The following LRRC57 variants were observed in gnomAD, a reference collection of about 807,000 sequenced individuals.
LRRC57 encodes the protein leucine rich repeat containing 57.
In LRRC57, 14 loss-of-function variants were observed where a neutral mutation model predicts 23.1. The ratio of observed to expected loss-of-function variants is 0.61; its 90% confidence interval spans 0.40 to 0.95. The LOEUF (loss-of-function observed/expected upper bound fraction) is 0.95, where lower values mean the gene tolerates loss of function less well. LRRC57 is among the 40% of genes least tolerant of loss of function. The pLI is 0.00. For synonymous variants in LRRC57, 106 were observed against 115.2 expected, an observed-to-expected ratio of 0.92 and a Z score of 0.51; for missense variants, 236 against 284.4, an observed-to-expected ratio of 0.83 and a Z score of 1.22.
chr15:42,547,380 G>A lies in LRRC57; in HGVS notation c.373C>T (p.Pro125Ser). The A allele has an allele frequency of 1.9e-6, 3 of 1,614,214 alleles. No homozygotes were observed. The highest frequency in any genetic ancestry group is 1.6e-4 in the Middle Eastern group (1 of 6,062). Residue 125 changes from proline (P) to serine (S), a missense_variant, in exon 4 of 6, where the codon CCC (proline) becomes TCC (serine). Transcript: ENST00000397130. ...AGGTGCCGTAGGCTACAAAGTTGGG[G>A]AGGTAATGCTCCCAGTTGGTTCCCA... Reference protein sequence around the residue: ...LSGNQLGALPPQLCSLRHLDV... With the variant: ...LSGNQLGALPSQLCSLRHLDV...
At chr15:42,533,252 T>C (rs1296976167), downstream of LRRC57, among the ~76,000 whole-genome samples, 1 of 152,236 alleles carries the variant, frequency 6.6e-6, no homozygotes, top group Admixed American at 6.5e-5. Context: ...CTTACCTTGC[T>C]AAAAATTTAT....
chr15:42,547,968 A>C (rs1252988960), intron 3 of LRRC57, 138 bp downstream of exon 3: 1 of 753,872 alleles, frequency 1.3e-6, no homozygotes, highest in Non-Finnish European at 2.2e-6. Context: ...AGTAGAAAGA[A>C]GGCTTCAAGG....
At chr15:42,537,707 T>A (rs1274588605), downstream of LRRC57, 1 of 152,180 alleles carries the variant, frequency 6.6e-6, no homozygotes, top group Non-Finnish European at 1.5e-5. Flanking sequence ...TATTCAGCCA[T>A]AAAAAGAATG....
rs921985856 is a variant in LRRC57 at position 42,539,170 on chromosome 15, A to T, written c.*4913T>A. ...TGCACTTCAGCCTGGGCAATAGAGCAAGACCCTGTCTCAAAAAATACATAT... is the reference window on the plus strand; with the variant it reads ...TGCACTTCAGCCTGGGCAATAGAGCTAGACCCTGTCTCAAAAAATACATAT... On this transcript the variant is annotated 3_prime_UTR_variant, in exon 6 of 6. Transcript: ENST00000397130. 1.3e-5 allele frequency: 2 copies of T among 151,750 alleles called. No individual in the cohort carries two copies. Among genetic ancestry groups the T allele is most frequent in the African/African-American group, 2.4e-5 (1 of 41,206 alleles). 9.4% of individuals were successfully genotyped at this position (151,750 alleles called of 1,614,324 possible).
chr15:42,529,954 G>A, the LRRC57 span: 1 of 947,480 alleles, frequency 1.1e-6, no homozygotes, highest in Non-Finnish European at 1.5e-6. Context: ...TGATGAGGTG[G>A]TGGTTCTAAC....
At position 42,548,148 on chromosome 15, in the gene LRRC57, A is replaced by C; in HGVS notation, c.181T>G (p.Phe61Val). 1 of 1,614,184 alleles carries C rather than the reference A, an allele frequency of 6.2e-7. No homozygotes were observed. The highest frequency in any genetic ancestry group is 8.5e-7 in the Non-Finnish European group (1 of 1,180,014). ...AGGGAGAGGCTCTTCAGCAGAGTGA[A>C]CTTTCCTATCAGCAAAGGCGGTAGG... ...ESLPPLLIGK[F>V]TLLKSLSLNN... The change falls in exon 3 of 6, where the codon TTC (phenylalanine) becomes GTC (valine). Residue 61 changes from phenylalanine to valine, a missense_variant. Physicochemically the swap from Phe to Val is conservative, Grantham distance 50. Transcript: ENST00000397130.
Position 42,541,135 on chromosome 15 carries a change from T to G in LRRC57, c.*2948A>C, listed in dbSNP as rs1177208003. ...GTAGATCAATAAGATTAATAAACAT[T>G]AAAATTTAGAAAAAACAAAACTCCT... On this transcript the variant is annotated 3_prime_UTR_variant, in exon 6 of 6. Coordinates refer to ENST00000397130, the MANE Select transcript of LRRC57 (RefSeq NM_153260.3). The G allele has an allele frequency of 1.3e-5, 2 of 152,094 alleles. No homozygotes were observed. The highest frequency in any genetic ancestry group is 2.9e-5 in the Non-Finnish European group (2 of 68,024). 9.4% of individuals were successfully genotyped at this position (152,094 alleles called of 1,614,324 possible). A position where few individuals can be genotyped will look rare whatever the true frequency, so the allele number is the denominator to read the frequency against.
intron 3 of LRRC57, chr15:42,547,775 C>A: frequency 1.8e-6 from 1 of 545,188 alleles, no homozygotes; most frequent in South Asian, 2.6e-5. Flanking sequence ...AAGGCACAAT[C>A]CGACAGCAAT....
chr15:42,528,468 T>A, the LRRC57 span: 1 of 1,564,928 alleles, frequency 6.4e-7, no homozygotes, highest in Non-Finnish European at 8.8e-7. Context: ...AATGAATGGT[T>A]CACTTAGGAG....
chr15:42,544,842 C>CAATATATATATA lies in LRRC57; in HGVS notation c.678+234_678+235insTATATATATATT. 6.0e-4 allele frequency among the ~76,000 whole-genome samples: 59 copies of CAATATATATATA among 97,950 alleles called. 2 individuals are homozygous for CAATATATATATA. Among genetic ancestry groups the CAATATATATATA allele is most frequent in the Middle Eastern group, 4.7e-3 (1 of 214 alleles). 64.3% of individuals were successfully genotyped at this position (97,950 alleles called of 152,430 possible). ...ACACACACACACACACACACACACACTATATATATATATATATCAAAAGAC... is the reference window on the plus strand; with the variant it reads ...ACACACACACACACACACACACACACAATATATATATATATATATATATATATATCAAAAGAC... On this transcript the variant is annotated intron_variant, in intron 5 of 5. Coordinates refer to ENST00000397130, the MANE Select transcript of LRRC57 (RefSeq NM_153260.3).
chr15:42,531,155 T>G, the LRRC57 span, among the ~76,000 whole-genome samples: 1 of 152,228 alleles, frequency 6.6e-6, no homozygotes, highest in South Asian at 2.1e-4. Flanking sequence ...TCAGGCATGT[T>G]AAACTATGAA....
chr15:42,545,149 C>G lies in LRRC57; in HGVS notation c.606G>C (p.Gln202His). The G allele has an allele frequency of 6.2e-7, 1 of 1,609,950 alleles. No homozygotes were observed. Among genetic ancestry groups the G allele is most frequent in the Non-Finnish European group, 8.5e-7 (1 of 1,178,124 alleles). The change falls in exon 5 of 6, where the codon CAG (glutamine) becomes CAC (histidine). Residue 202 changes from glutamine (Q) to histidine (H), a missense_variant. By Grantham distance (24) the Gln-to-His change is conservative. Transcript: ENST00000397130. ...MLPQSILSDS[Q>H]ICLLAVEGNL... ...TGCCTTCCACAGCAAGCAGACAGAT[C>G]TGGGAATCACTGAGGATGCTCTGGG... is the stretch of plus-strand genomic sequence containing the variant.
chr15:42,548,033 A>C, intron 3 of LRRC57, 73 bp downstream of exon 3: 4 of 1,543,338 alleles, frequency 2.6e-6, no homozygotes, highest in Non-Finnish European at 1.8e-6. Context: ...AAAAACAAAA[A>C]TCAGCTTGTA....
At chr15:42,546,406 T>C (rs755378775) in intron 4 of LRRC57, among the ~76,000 whole-genome samples, 6 of 152,010 alleles carry the variant, frequency 3.9e-5, no homozygotes, top group South Asian at 2.1e-4. Flanking sequence ...GTTTTTTTTT[T>C]CCCCCAAGAA....
Position 42,542,661 on chromosome 15 carries a change from G to A in LRRC57, c.*1422C>T, listed in dbSNP as rs545253379. On this transcript the variant is annotated 3_prime_UTR_variant, in exon 6 of 6. Coordinates refer to ENST00000397130, the MANE Select transcript of LRRC57 (RefSeq NM_153260.3). ...AGAGTTATAAATACAAAAAGGGAAA[G>A]GTTACCAGAAATAAGACATTATTTC... 6.6e-6 allele frequency: 1 copy of A among 152,592 alleles called. No individual in the cohort carries two copies. Among genetic ancestry groups the A allele is most frequent in the African/African-American group, 2.4e-5 (1 of 41,506 alleles). 9.5% of individuals were successfully genotyped at this position (152,592 alleles called of 1,614,324 possible).
intron 3 of LRRC57, 22 bp from the exon 4 acceptor site, chr15:42,547,551 A>T: frequency 6.3e-7 from 1 of 1,592,392 alleles, no homozygotes; most frequent in Non-Finnish European, 8.6e-7. Context: ...AAATTTTTTT[A>T]AAACCTGAAT....
chr15:42,531,641 G>A, the LRRC57 span: 2 of 488,004 alleles, frequency 4.1e-6, no homozygotes, highest in East Asian at 3.3e-5. Context: ...TTTGTTTTCT[G>A]TTGAGGGCCG....
At chr15:42,531,491 T>C in the LRRC57 span, 1 of 1,588,152 alleles carries the variant, frequency 6.3e-7, no homozygotes, top group Non-Finnish European at 8.6e-7. Flanking sequence ...CTACTGCTGT[T>C]CTTCTTTATC....
In LRRC57 at chr15:42,548,574, G is replaced by T. The variant is rs889462901; in HGVS notation, c.-22-118C>A. ...CTGGCTCCTGGGGCCCGACCCAAGAGCGACAAGGAAGAAACGGAAGAACAC... is the reference window on the plus strand; with the variant it reads ...CTGGCTCCTGGGGCCCGACCCAAGATCGACAAGGAAGAAACGGAAGAACAC... On this transcript the variant is annotated intron_variant, in intron 1 of 5. Coordinates refer to ENST00000397130, the MANE Select transcript of LRRC57 (RefSeq NM_153260.3). The T allele has an allele frequency of 1.1e-5, 9 of 792,164 alleles. 1 individual carries two copies. The Admixed American group carries it at 1.7e-4, about 15-fold the overall frequency. The allele number at this position is 792,164 out of a possible 1,614,324, so 49.1% of individuals were successfully genotyped here. A position where few individuals can be genotyped will look rare whatever the true frequency, so the allele number is the denominator to read the frequency against.
Sources: allele counts gnomAD v4.1 joint callset (sites outside exome capture counted in the v4.1 genomes callset), GRCh38; gene constraint gnomAD v4.1.1; transcripts MANE v1.5; gene names NCBI Gene and HGNC (gene_info 2026-07-23, HGNC 2026-07-21).